Variants in RIMBP2 observed in about 807,000 individuals in gnomAD.
RIMBP2 encodes the protein RIMS-binding protein 2.
Under a neutral mutation model 118.6 loss-of-function variants are expected in RIMBP2, and 48 were observed. That is an observed-to-expected ratio of 0.40 (90% confidence interval 0.32 to 0.51). RIMBP2 has a LOEUF of 0.51. Among genes scored for constraint, RIMBP2 ranks in the 20% least tolerant of loss-of-function variants. RIMBP2 has a pLI of 0.41. For missense variants in RIMBP2, 1,551 were observed against 1,768.3 expected (o/e 0.88, Z 2.20); for synonymous variants, 762 against 742.9 (o/e 1.03, Z -0.42).
At chr12:130,428,376 C>T (rs1246837510) in intron 14 of RIMBP2, 39 bp from the exon 15 acceptor site, 1 of 1,575,162 alleles carries the variant, frequency 6.3e-7, no homozygotes, top group African/African-American at 1.4e-5. Flanking sequence ...CGGGTGGCTC[C>T]TCCCGCATCC....
At chr12:130,652,630 G>GT (rs2063274976) in intron 1 of RIMBP2, among the ~76,000 whole-genome samples, 1 of 151,996 alleles carries the variant, frequency 6.6e-6, no homozygotes, top group Non-Finnish European at 1.5e-5. Flanking sequence ...GGGCTCTTAG[G>GT]TTTTGCCATA....
chr12:130,425,802 A>G (rs1442646806), intron 15 of RIMBP2: 1 of 152,284 alleles, frequency 6.6e-6, no homozygotes, highest in Non-Finnish European at 1.5e-5. Context: ...CGGGATGCTC[A>G]GTAGAGATGA....
At chr12:130,679,325 C>T (rs374611226) in intron 1 of RIMBP2, among the ~76,000 whole-genome samples, 1 of 152,198 alleles carries the variant, frequency 6.6e-6, no homozygotes, top group Admixed American at 6.5e-5. Flanking sequence ...AGTCACTGGC[C>T]CCATGCATTT....
intron 2 of RIMBP2, among the ~76,000 whole-genome samples, chr12:130,566,725 A>C (rs1309962695): frequency 6.6e-6 from 1 of 152,256 alleles, no homozygotes; most frequent in Non-Finnish European, 1.5e-5. Context: ...CCAGGCAGCC[A>C]GGCTGCTTCT....
intron 5 of RIMBP2, among the ~76,000 whole-genome samples, chr12:130,473,832 G>A (rs2081210804): frequency 1.3e-5 from 2 of 152,180 alleles, no homozygotes; most frequent in South Asian, 2.1e-4. Context: ...GACAATCTGA[G>A]GGCAGCACAG....
intron 1 of RIMBP2, among the ~76,000 whole-genome samples, chr12:130,708,098 C>T (rs1949631400): frequency 6.6e-6 from 1 of 152,056 alleles, no homozygotes; most frequent in Admixed American, 6.5e-5. Context: ...CACGGGTGAA[C>T]CTTGAGGATG....
chr12:130,521,239 T>A (rs79570099), intron 2 of RIMBP2, among the ~76,000 whole-genome samples: 8,146 of 152,276 alleles, frequency 0.053, 291 homozygotes, highest in South Asian at 0.13. Context: ...TCTGAATCAA[T>A]CAGCACCACT....
rs73159114 is a variant in RIMBP2 at position 130,635,946 on chromosome 12, G to A, written c.-351-7490C>T. Among the ~76,000 whole-genome samples, 9 of 152,068 alleles carry A rather than the reference G, an allele frequency of 5.9e-5. 1 individual carries two copies. The highest frequency in any genetic ancestry group is 4.2e-4 in the South Asian group (2 of 4,798). On this transcript the variant is annotated intron_variant, in intron 1 of 22. Transcript: ENST00000690449. ...TCTCCACACAGCCAACTTGCAAAAC[G>A]GAAATCTATGTCCCTCCCCTGCCAA...
At chr12:130,486,322 C>G (rs1393502318) in intron 4 of RIMBP2, among the ~76,000 whole-genome samples, 1 of 151,588 alleles carries the variant, frequency 6.6e-6, no homozygotes, top group African/African-American at 2.4e-5. Flanking sequence ...TGGTCTCTCC[C>G]CCTGACCTCT....
At chr12:130,631,802 G>A (rs938849134) in intron 1 of RIMBP2, among the ~76,000 whole-genome samples, 3 of 152,110 alleles carry the variant, frequency 2.0e-5, no homozygotes, top group Non-Finnish European at 1.5e-5. Context: ...GAGACAGCAC[G>A]AGATTGTTTC....
intron 2 of RIMBP2, among the ~76,000 whole-genome samples, chr12:130,611,246 C>T (rs1024233590): frequency 4.6e-5 from 7 of 152,346 alleles, no homozygotes; most frequent in South Asian, 2.1e-4. Context: ...TCCCATCCCA[C>T]GAGCTCTGTC....
At position 130,664,443 on chromosome 12, in the gene RIMBP2, A is replaced by G. The variant is rs1479490617; in HGVS notation, c.-351-35987T>C. The stretch of plus-strand genomic sequence containing the variant: ...CACGCACACACATGCATGCACGCAC[A>G]CACGCACACACATGCACGCACACAC... On this transcript the variant is annotated intron_variant, in intron 1 of 22. Transcript: ENST00000690449. 1.1e-3 allele frequency among the ~76,000 whole-genome samples: 69 copies of G among 64,576 alleles called. 1 individual carries two copies. Among genetic ancestry groups the G allele is most frequent in the African/African-American group, 2.9e-3 (62 of 21,636 alleles). 42.4% of individuals were successfully genotyped at this position (64,576 alleles called of 152,430 possible). A position where few individuals can be genotyped will look rare whatever the true frequency, so the allele number is the denominator to read the frequency against.
chr12:130,517,222 A>T (rs2051562223), intron 3 of RIMBP2, among the ~76,000 whole-genome samples: 1 of 152,050 alleles, frequency 6.6e-6, no homozygotes, highest in South Asian at 2.1e-4. Context: ...AGAGGAAGAG[A>T]GCCCTGAGCT....
At chr12:130,681,281 AAAAAAAT>A (rs2064770542) in intron 1 of RIMBP2, among the ~76,000 whole-genome samples, 1 of 144,312 alleles carries the variant, frequency 6.9e-6, no homozygotes. Context: ...CTATCTCTAA[AAAAAAAT>A]AAAAAATAAA....
chr12:130,620,443 G>A lies in RIMBP2; in HGVS notation c.-217+7879C>T, dbSNP rs144087436. ...TGGCCAGCACCAGGTTCTGCTGCGT[G>A]CAACCAGAGACCTCACGTTAGTTTC... On this transcript the variant is annotated intron_variant, in intron 2 of 22. Coordinates refer to ENST00000690449, the MANE Select transcript of RIMBP2 (RefSeq NM_001393629.1). This position sits in a 1 kb window ranked among gnomAD's most constrained non-coding sequence, Gnocchi z 5.3. 6.6e-6 allele frequency among the ~76,000 whole-genome samples: 1 copy of A among 152,306 alleles called. No homozygotes were observed. Among genetic ancestry groups the A allele is most frequent in the African/African-American group, 2.4e-5 (1 of 41,562 alleles).
intron 2 of RIMBP2, among the ~76,000 whole-genome samples, chr12:130,626,818 G>A (rs1333785175): frequency 6.7e-6 from 1 of 149,012 alleles, no homozygotes; most frequent in African/African-American, 2.5e-5. Flanking sequence ...ACTACCACCA[G>A]CATCACCACC....
intron 4 of RIMBP2, 149 bp downstream of exon 4, chr12:130,506,499 G>T (rs187390977): frequency 1.2e-4 from 55 of 467,380 alleles, no homozygotes; most frequent in African/African-American, 1.1e-3. Flanking sequence ...ACCACAAAAA[G>T]GGGAAAAACA....
At chr12:130,531,279 C>T (rs967885693) in intron 2 of RIMBP2, among the ~76,000 whole-genome samples, 1 of 152,174 alleles carries the variant, frequency 6.6e-6, no homozygotes, top group Non-Finnish European at 1.5e-5. Flanking sequence ...ATAACCATGA[C>T]CCAGATGAAG....
Position 130,435,000 on chromosome 12 carries a change from G to A in RIMBP2, c.2107-120C>T. 1.9e-6 allele frequency: 2 copies of A among 1,042,906 alleles called. No individual in the cohort carries two copies. The highest frequency in any genetic ancestry group is 1.4e-6 in the Non-Finnish European group (1 of 736,584). 64.6% of individuals were successfully genotyped at this position (1,042,906 alleles called of 1,614,324 possible). A position where few individuals can be genotyped will look rare whatever the true frequency, so the allele number is the denominator to read the frequency against. The stretch of plus-strand genomic sequence containing the variant: ...CCTGGCCAGGCACCCCCCACACAGT[G>A]CTTTGGGCCCAGCTCTGCCGCCCTC... On this transcript the variant is annotated intron_variant, in intron 13 of 22. Coordinates refer to ENST00000690449, the MANE Select transcript of RIMBP2 (RefSeq NM_001393629.1). The surrounding 1 kb of genome is among the most constrained non-coding windows in gnomAD (Gnocchi z 5.7).
Sources: allele counts gnomAD v4.1 joint callset (sites outside exome capture counted in the v4.1 genomes callset), GRCh38; gene constraint gnomAD v4.1.1; non-coding constraint Gnocchi (gnomAD v3.1); transcripts MANE v1.5; gene names NCBI Gene and HGNC (gene_info 2026-07-23, HGNC 2026-07-21).